Variants in UFD1 observed in about 807,000 individuals in gnomAD.
The protein encoded by UFD1 is ubiquitin recognition factor in ER associated degradation 1.
UFD1 carries 13 observed loss-of-function variants against 45.9 expected under a neutral mutation model. That is an observed-to-expected ratio of 0.28 (90% CI 0.18 to 0.45). The LOEUF is 0.45. UFD1 is among the 20% of genes least tolerant of loss of function. UFD1 has a pLI of 1.00. For synonymous variants in UFD1, 128 were observed against 139.2 expected (o/e 0.92, Z 0.56); for missense variants, 218 against 389.2 (o/e 0.56, Z 3.70).
chr22:19,478,639 G>A, intron 1 of UFD1: 1 of 239,230 alleles, frequency 4.2e-6, no homozygotes, highest in Non-Finnish European at 8.0e-6. Flanking sequence ...CGAACCCGTA[G>A]GCACGGAGCT....
intron 1 of UFD1, chr22:19,478,872 G>A (rs1298506874): frequency 5.6e-5 from 33 of 593,004 alleles, no homozygotes; most frequent in Non-Finnish European, 8.7e-5. Flanking sequence ...GACAGAATGC[G>A]AGCCACGTTC....
At chr22:19,459,832 G>A (rs1004139502) in intron 6 of UFD1, among the ~76,000 whole-genome samples, 3 of 145,914 alleles carry the variant, frequency 2.1e-5, no homozygotes, top group Non-Finnish European at 3.0e-5. Flanking sequence ...TCCGCCTCCC[G>A]GGTTCCAGCG....
At chr22:19,470,661 C>T (rs112961903) in intron 4 of UFD1, 12,051 of 441,960 alleles carry the variant, frequency 0.027, 196 homozygotes, top group African/African-American at 0.04. Context: ...AGGCTAGTCT[C>T]GAACTCCTGA....
Position 19,472,260 on chromosome 22 carries a change from C to G in UFD1, c.170-452G>C, listed in dbSNP as rs144054710. Among the ~76,000 whole-genome samples, 126 of 152,252 alleles carry G rather than the reference C, an allele frequency of 8.3e-4. 2 individuals are homozygous for G. The East Asian group carries it at 0.022, about 27-fold the overall frequency. On this transcript the variant is annotated intron_variant, in intron 3 of 11. Coordinates refer to ENST00000263202, the MANE Select transcript of UFD1 (RefSeq NM_005659.7). ...TTCTTTAGGCTGGGCACTGGGCGGG[C>G]AGACCTGGGAGGAAATCCAGGCAGA...
chr22:19,455,478 G>A (rs2089715509), intron 10 of UFD1, among the ~76,000 whole-genome samples: 1 of 152,124 alleles, frequency 6.6e-6, no homozygotes. Context: ...AGAGAGGCTG[G>A]ACCACAGTGG....
At chr22:19,461,319 T>G (rs1365828090) in intron 6 of UFD1, among the ~76,000 whole-genome samples, 1 of 152,224 alleles carries the variant, frequency 6.6e-6, no homozygotes, top group East Asian at 1.9e-4. Context: ...ATCTTAGGAA[T>G]AGTCAATATC....
chr22:19,469,967 T>A (rs1048843858), intron 4 of UFD1: 12 of 518,412 alleles, frequency 2.3e-5, no homozygotes, highest in South Asian at 1.7e-4. Flanking sequence ...ATACAGTGTA[T>A]CCCCAGCATC....
intron 3 of UFD1, among the ~76,000 whole-genome samples, chr22:19,472,652 C>G (rs1191171573): frequency 1.3e-5 from 2 of 152,246 alleles, no homozygotes; most frequent in African/African-American, 4.8e-5. Context: ...CGAGAAGGAA[C>G]TGATGGTAGT....
intron 6 of UFD1, among the ~76,000 whole-genome samples, chr22:19,458,776 A>G (rs900790806): frequency 2.6e-5 from 4 of 152,150 alleles, no homozygotes; most frequent in Non-Finnish European, 5.9e-5. Context: ...AACTAGCTAT[A>G]CCCAATGAGA....
At chr22:19,455,602 C>A in intron 10 of UFD1, 78 bp downstream of exon 10, 1 of 1,390,664 alleles carries the variant, frequency 7.2e-7, no homozygotes, top group Non-Finnish European at 1.0e-6. Flanking sequence ...GTCTCCAGAA[C>A]TGGGGTGAGG....
chr22:19,474,304 G>C (rs2089865892), intron 3 of UFD1, among the ~76,000 whole-genome samples: 2 of 152,132 alleles, frequency 1.3e-5, no homozygotes, highest in Non-Finnish European at 2.9e-5. Flanking sequence ...CATAACTTTG[G>C]GAGGCCGAGG....
At chr22:19,468,412 T>C (rs924334780) in intron 4 of UFD1, among the ~76,000 whole-genome samples, 1 of 152,130 alleles carries the variant, frequency 6.6e-6, no homozygotes, top group Admixed American at 6.5e-5. Flanking sequence ...AAGGCTGACC[T>C]GGCAATGGAA....
In UFD1 at chr22:19,450,425, T is replaced by G; in HGVS notation, c.*245A>C. 2.1e-6 allele frequency: 1 copy of G among 482,816 alleles called. No homozygotes were observed. Among genetic ancestry groups the G allele is most frequent in the Non-Finnish European group, 3.7e-6 (1 of 268,642 alleles). The allele number at this position is 482,816 out of a possible 1,614,324, so 29.9% of individuals were successfully genotyped here. ...CCCTCAAGCTGAAAGCGTGAAGAGG[T>G]GAGGAGGCAGCTATCTACAGGCCCT... On this transcript the variant is annotated 3_prime_UTR_variant, in exon 12 of 12. Coordinates refer to ENST00000263202, the MANE Select transcript of UFD1 (RefSeq NM_005659.7).
intron 5 of UFD1, chr22:19,466,439 A>G (rs1256664001): frequency 7.9e-5 from 12 of 152,348 alleles, no homozygotes; most frequent in Admixed American, 7.8e-4. Context: ...GCCAGACCAG[A>G]AAACACCAGG....
intron 11 of UFD1, chr22:19,453,795 G>A: frequency 1.0e-6 from 1 of 985,554 alleles, no homozygotes; most frequent in Middle Eastern, 5.2e-4. Context: ...TTCAGTAATT[G>A]GGATGGCTCC....
chr22:19,478,216 C>G (rs112773175), intron 1 of UFD1, among the ~76,000 whole-genome samples: 17 of 152,204 alleles, frequency 1.1e-4, no homozygotes, highest in African/African-American at 4.1e-4. Flanking sequence ...ACCTAGCACA[C>G]TGCCTGGAAC....
At chr22:19,472,308 T>C (rs997896512) in intron 3 of UFD1, among the ~76,000 whole-genome samples, 3 of 151,820 alleles carry the variant, frequency 2.0e-5, no homozygotes, top group African/African-American at 7.3e-5. Flanking sequence ...AGCAAAGGCG[T>C]GGAAGGGAAG....
At chr22:19,455,809 T>C (rs946756223) in intron 9 of UFD1, 41 bp from the exon 10 acceptor site, 1 of 1,581,288 alleles carries the variant, frequency 6.3e-7, no homozygotes, top group Non-Finnish European at 8.7e-7. Context: ...AGCCCAAGTG[T>C]GAGGACGATA....
In UFD1 at chr22:19,456,017, T is replaced by C. The variant is rs184240160; in HGVS notation, c.679-249A>G. On this transcript the variant is annotated intron_variant, in intron 9 of 11. Coordinates refer to ENST00000263202, the MANE Select transcript of UFD1 (RefSeq NM_005659.7). ...GCAGTCAGTGTTGGGTTAAAAGACCTGATCCCTGCCTCTGCAGGGCCACCC... is the reference window on the plus strand; with the variant it reads ...GCAGTCAGTGTTGGGTTAAAAGACCCGATCCCTGCCTCTGCAGGGCCACCC... Among the ~76,000 whole-genome samples the C allele has an allele frequency of 1.9e-3, 288 of 152,310 alleles. 3 individuals carry two copies. Among genetic ancestry groups the C allele is most frequent in the African/African-American group, 6.6e-3 (274 of 41,580 alleles).
Sources: gnomAD v4.1 joint callset for allele counts (sites outside exome capture counted in the v4.1 genomes callset) on GRCh38, gnomAD v4.1.1 for gene constraint, MANE v1.5 for transcripts, NCBI Gene and HGNC (gene_info 2026-07-23, HGNC 2026-07-21) for gene names.